Variants in AHCY observed in about 807,000 individuals in gnomAD.
AHCY encodes the protein adenosylhomocysteinase.
In AHCY, 24 loss-of-function variants were observed where a neutral mutation model predicts 45.4. The ratio of observed to expected loss-of-function variants is 0.53; its 90% confidence interval spans 0.38 to 0.74. AHCY has a LOEUF of 0.74. Ranked by LOEUF, AHCY falls within the 30% of genes least tolerant of loss-of-function variation. AHCY has a pLI of 0.00. For missense variants in AHCY, 449 were observed against 594.1 expected (o/e 0.76, Z 2.54); for synonymous variants, 245 against 235.1 (o/e 1.04, Z -0.39).
At chr20:34,293,322 C>G (rs1441141437) in intron 3 of AHCY, 1 of 157,958 alleles carries the variant, frequency 6.3e-6, no homozygotes, top group Non-Finnish European at 1.4e-5. Context: ...CCAGGAGCCT[C>G]TTGTGAGCAA....
At chr20:34,246,795 G>C in the AHCY span, among the ~76,000 whole-genome samples, 1 of 152,066 alleles carries the variant, frequency 6.6e-6, no homozygotes. Flanking sequence ...AGATAAACTT[G>C]AAGCTCCCTT....
chr20:34,281,189 G>A lies in AHCY; in HGVS notation c.1168-24C>T, dbSNP rs552076994. On this transcript the variant is annotated intron_variant, in intron 9 of 9. Transcript: ENST00000217426. The stretch of plus-strand genomic sequence containing the variant: ...AGCTGGGGAGAAACAAAGGAAGACC[G>A]GGAATCAGTGCCATTTTCTGGGACC... 1.7e-5 allele frequency: 27 copies of A among 1,611,776 alleles called. No individual in the cohort carries two copies. The East Asian group carries it at 4.5e-4, about 27-fold the overall frequency.
At chr20:34,262,932 G>A in the AHCY span, 1 of 1,610,132 alleles carries the variant, frequency 6.2e-7, no homozygotes. Flanking sequence ...CATTGTTGGG[G>A]TGAGACTGGA....
chr20:34,281,025 A>G lies in AHCY; in HGVS notation c.*9T>C, dbSNP rs1388419661. The stretch of plus-strand genomic sequence containing the variant: ...ACAGCAGCTGGAGGGTGAAACGCAG[A>G]CCTGGCTCTCAGTAGCGGTAGTGAT... On this transcript the variant is annotated 3_prime_UTR_variant, in exon 10 of 10. Transcript: ENST00000217426. The G allele has an allele frequency of 2.5e-6, 4 of 1,614,088 alleles. No homozygotes were observed. In the South Asian group the frequency reaches 4.4e-5, roughly 18 times the overall value.
chr20:34,291,290 TAACC>T (rs1170206732), intron 5 of AHCY, 125 bp downstream of exon 5: 1 of 879,652 alleles, frequency 1.1e-6, no homozygotes, highest in African/African-American at 1.6e-5. Flanking sequence ...AGCCTGTCTA[TAACC>T]GCTTTTGCCC....
chr20:34,268,477 C>T, the AHCY span, among the ~76,000 whole-genome samples: 4 of 152,174 alleles, frequency 2.6e-5, no homozygotes, highest in Non-Finnish European at 4.4e-5. Flanking sequence ...AAACCCAGCA[C>T]TTTGGGAGGC....
chr20:34,289,317 G>A (rs2036290926), intron 8 of AHCY, among the ~76,000 whole-genome samples: 1 of 152,054 alleles, frequency 6.6e-6, no homozygotes, highest in African/African-American at 2.4e-5. Context: ...GGGATTGCAG[G>A]TGCACATCAC....
At chr20:34,284,493 C>T (rs1411490674) in intron 9 of AHCY, among the ~76,000 whole-genome samples, 3 of 152,250 alleles carry the variant, frequency 2.0e-5, no homozygotes, top group East Asian at 1.9e-4. Context: ...AAGGCCACAA[C>T]GTGCAGCCTG....
At chr20:34,274,158 T>C in the AHCY span, among the ~76,000 whole-genome samples, 7 of 152,258 alleles carry the variant, frequency 4.6e-5, no homozygotes, top group African/African-American at 1.7e-4. Flanking sequence ...TGCTGCTCAC[T>C]GCTCGAGGCC....
At chr20:34,232,990 C>T in the AHCY span, among the ~76,000 whole-genome samples, 1 of 152,132 alleles carries the variant, frequency 6.6e-6, no homozygotes, top group African/African-American at 2.4e-5. Context: ...TTAACGTGTT[C>T]TCCCTCCAGG....
chr20:34,305,142 C>T (rs2036881316), upstream of AHCY, among the ~76,000 whole-genome samples: 1 of 147,264 alleles, frequency 6.8e-6, no homozygotes, highest in South Asian at 2.1e-4. Context: ...GGTAAAACCC[C>T]ATCTCTACTA....
Position 34,299,607 on chromosome 20 carries a change from G to C in AHCY, c.28+3636C>G, listed in dbSNP as rs149270651. ...CAGCCCAAACTACTCCCCTGAACTT[G>C]AGACTCGATGTGATCCAACTGCCTC... On this transcript the variant is annotated intron_variant, in intron 1 of 9. Coordinates refer to ENST00000217426, the MANE Select transcript of AHCY (RefSeq NM_000687.4). Among the ~76,000 whole-genome samples, 47 of 152,248 alleles carry C rather than the reference G, an allele frequency of 3.1e-4. No individual in the cohort carries two copies. In the East Asian group the frequency reaches 8.5e-3, roughly 28 times the overall value.
chr20:34,291,966 T>C (rs2036411405), intron 4 of AHCY, among the ~76,000 whole-genome samples: 1 of 152,250 alleles, frequency 6.6e-6, no homozygotes, highest in South Asian at 2.1e-4. Context: ...ACATCTGGTC[T>C]TCACGAAGTT....
chr20:34,245,439 A>C, the AHCY span, among the ~76,000 whole-genome samples: 1 of 148,608 alleles, frequency 6.7e-6, no homozygotes, highest in Non-Finnish European at 1.5e-5. Flanking sequence ...CCCAGGTTGG[A>C]GTGCAATGGC....
chr20:34,277,522 C>G (rs1230328542), downstream of AHCY, among the ~76,000 whole-genome samples: 1 of 152,094 alleles, frequency 6.6e-6, no homozygotes, highest in Non-Finnish European at 1.5e-5. Context: ...AATCCCAGCA[C>G]TTTGGGAGGC....
intron 1 of AHCY, among the ~76,000 whole-genome samples, chr20:34,309,916 AGAAG>A (rs777220643): frequency 5.3e-4 from 80 of 150,564 alleles, no homozygotes; most frequent in Middle Eastern, 6.8e-3. Flanking sequence ...AAGGAAGGAA[AGAAG>A]GAAGGAAGGA....
the AHCY span, among the ~76,000 whole-genome samples, chr20:34,257,407 C>T: frequency 1.3e-5 from 2 of 152,068 alleles, no homozygotes. Context: ...TTCTAATTTG[C>T]CTTCCTAATT....
At chr20:34,235,944 AGAAG>A in the AHCY span, among the ~76,000 whole-genome samples, 173 of 119,238 alleles carry the variant, frequency 1.5e-3, 4 homozygotes, top group Middle Eastern at 3.9e-3. Context: ...GAGGGAGGGA[AGAAG>A]GAAGGAAGGA....
chr20:34,271,566 T>TC, the AHCY span, among the ~76,000 whole-genome samples: 1 of 46,436 alleles, frequency 2.2e-5, no homozygotes, highest in Non-Finnish European at 8.2e-5. Context: ...TGAACAAGCC[T>TC]TTTTTTTTTT....
Sources: allele counts gnomAD v4.1 joint callset (sites outside exome capture counted in the v4.1 genomes callset), GRCh38; gene constraint gnomAD v4.1.1; transcripts MANE v1.5; gene names NCBI Gene and HGNC (gene_info 2026-07-23, HGNC 2026-07-21).